Variants in STAT1 observed in about 807,000 individuals in gnomAD.
STAT1 encodes the protein signal transducer and activator of transcription 1, also known as signal transducer and activator of transcription 1-alpha/beta.
A neutral mutation model predicts 111.7 loss-of-function variants in STAT1; 24 were observed. The ratio of observed to expected loss-of-function variants is 0.21; its 90% CI spans 0.16 to 0.30. The LOEUF (loss-of-function observed/expected upper bound fraction) is 0.30. STAT1 is among the 10% of genes least tolerant of loss of function. The pLI, the probability that STAT1 is intolerant of heterozygous loss-of-function variation, is 1.00. For synonymous variants in STAT1, 332 were observed against 326.5 expected (o/e 1.02, Z -0.18); for missense variants, 351 against 911.9 (o/e 0.38, Z 7.92).
Position 190,985,600 on chromosome 2 carries a change from AACAT to A in STAT1, c.1263+15_1263+18del, listed in dbSNP as rs765648503. Reference sequence around the variant, plus strand: ...ACCTGCCTGATTTGGGCCCATTCACAACATAAAGGGACTCTCACCTCATTCGTTC... The same window carrying A: ...ACCTGCCTGATTTGGGCCCATTCACAAAAGGGACTCTCACCTCATTCGTTC... On this transcript the variant is annotated intron_variant, in intron 15 of 24. Transcript: ENST00000361099. 5.6e-6 allele frequency: 9 copies of A among 1,614,020 alleles called. No homozygotes were observed. In the African/African-American group the frequency reaches 1.2e-4, roughly 22 times the overall value.
At chr2:191,011,910 C>G (rs1695150195) in intron 2 of STAT1, among the ~76,000 whole-genome samples, 2 of 151,892 alleles carry the variant, frequency 1.3e-5, no homozygotes, top group Admixed American at 6.5e-5. Flanking sequence ...GCCAAGAAGC[C>G]TGGCTAATTT....
intron 2 of STAT1, 57 bp from the exon 3 acceptor site, chr2:191,010,061 G>C: frequency 6.3e-7 from 1 of 1,598,992 alleles, no homozygotes; most frequent in Non-Finnish European, 8.6e-7. Context: ...TAGCTCCAAA[G>C]AAAGCCTTCC....
intron 2 of STAT1, among the ~76,000 whole-genome samples, chr2:191,010,992 C>T (rs561162872): frequency 9.8e-5 from 15 of 152,322 alleles, no homozygotes; most frequent in African/African-American, 3.4e-4. Context: ...GCAGAGCAGA[C>T]ACAAGTGAAT....
chr2:190,995,323 A>G lies in STAT1; in HGVS notation c.786-104T>C. ...TAGTCCATTCTCATGCTGCTAATAA[A>G]GACATACTCGAGACTGGAGAATTTA... On this transcript the variant is annotated intron_variant, in intron 9 of 24. Transcript: ENST00000361099. This position sits in a 1 kb window ranked among gnomAD's most constrained non-coding sequence, Gnocchi z 4.2. The G allele has an allele frequency of 8.6e-7, 1 of 1,166,610 alleles. No homozygotes were observed. Among genetic ancestry groups the G allele is most frequent in the Admixed American group, 1.7e-5 (1 of 58,666 alleles). 72.3% of individuals were successfully genotyped at this position (1,166,610 alleles called of 1,614,324 possible).
rs2125062772 is a variant in STAT1 at position 190,995,187 on chromosome 2, A to G, written c.818T>C (p.Val273Ala). ...CTCCAACTTTTTAAGCTGCTGCCGA[A>G]CTTGCTGCAGACTCTCCGCAACTAT... ...FTIVAESLQQ[V>A]RQQLKKLEEL... is the part of the protein sequence containing the mutation. Residue 273 changes from valine (V) to alanine (A), a missense_variant, in exon 10 of 25, where the codon GTT becomes GCT. Physicochemically the swap from Val to Ala is moderately conservative, Grantham distance 64. Coordinates refer to ENST00000361099, the MANE Select transcript of STAT1 (RefSeq NM_007315.4). The surrounding 1 kb of genome is among the most constrained non-coding windows in gnomAD (Gnocchi z 4.2). 6.2e-7 allele frequency: 1 copy of G among 1,614,024 alleles called. No homozygotes were observed. Among genetic ancestry groups the G allele is most frequent in the Non-Finnish European group, 8.5e-7 (1 of 1,180,004 alleles).
intron 2 of STAT1, among the ~76,000 whole-genome samples, chr2:191,011,449 C>T (rs1695108685): frequency 6.6e-6 from 1 of 152,164 alleles, no homozygotes; most frequent in African/African-American, 2.4e-5. Flanking sequence ...CAGGAACTTG[C>T]TCTGTCATCC....
chr2:191,013,682 CG>C lies in STAT1; in HGVS notation c.-155-5del. On this transcript the variant is annotated splice_polypyrimidine_tract_variant and splice_region_variant and intron_variant, in intron 1 of 24. Transcript: ENST00000361099. ...GGCATACAGCAAATGAAACTTTCTG[CG>C]AAAAGAAGAAAACGTGACTGATGGA... 1 of 398,476 alleles carries C rather than the reference CG, an allele frequency of 2.5e-6. No individual in the cohort carries two copies. Among genetic ancestry groups the C allele is most frequent in the Non-Finnish European group, 4.4e-6 (1 of 226,070 alleles). 24.7% of individuals were successfully genotyped at this position (398,476 alleles called of 1,614,324 possible). A position where few individuals can be genotyped will look rare whatever the true frequency, so the allele number is the denominator to read the frequency against.
chr2:190,994,958 A>G, intron 10 of STAT1, 103 bp downstream of exon 10: 1 of 461,914 alleles, frequency 2.2e-6, no homozygotes, highest in South Asian at 1.8e-5. Context: ...ATATATATAT[A>G]AAAAACACCT....
chr2:191,001,071 C>T lies in STAT1; in HGVS notation c.462+3G>A. On this transcript the variant is annotated splice_donor_region_variant and intron_variant, in intron 6 of 24. Transcript: ENST00000361099. ...TAAATGCATGTGTTTACTCAATACT[C>T]ACCATAACCTTGTCCTTCACATTTC... The T allele has an allele frequency of 6.2e-7, 1 of 1,608,808 alleles. No individual in the cohort carries two copies.
At position 190,979,809 on chromosome 2, in the gene STAT1, G is replaced by A; in HGVS notation, c.1690C>T (p.Leu564Phe). The part of the protein sequence containing the change: ...FWLWIESILE[L>F]IKKHLLPLWN... Reference sequence around the variant, plus strand: ...AGAGGGAGCAGGTGTTTTTTAATGAGTTCTAGGATGCTTTCAATCCAAAGC... The same window carrying A: ...AGAGGGAGCAGGTGTTTTTTAATGAATTCTAGGATGCTTTCAATCCAAAGC... The change falls in exon 20 of 25, where the codon CTC (leucine) becomes TTC (phenylalanine). Residue 564 changes from leucine to phenylalanine, a missense_variant. Leu to Phe is a conservative substitution (Grantham distance 22, BLOSUM62 0). Around this residue, in one of 7 missense-constraint regions of STAT1, gnomAD observed 181 missense variants for 426.1 expected, o/e 0.42. Transcript: ENST00000361099. The surrounding 1 kb of genome is among the most constrained non-coding windows in gnomAD (Gnocchi z 5.8). The A allele has an allele frequency of 1.2e-6, 2 of 1,613,780 alleles. No individual in the cohort carries two copies. Among genetic ancestry groups the A allele is most frequent in the Non-Finnish European group, 1.7e-6 (2 of 1,179,762 alleles).
chr2:190,978,806 G>A lies in STAT1; in HGVS notation c.1873+50C>T, dbSNP rs1160947935. ...GAGCTGACTGGCGGCGATGAAGAGG[G>A]ACTTCACACACATGGAATGGTGGGA... On this transcript the variant is annotated intron_variant, in intron 21 of 24. Transcript: ENST00000361099. The surrounding 1 kb of genome is among the most constrained non-coding windows in gnomAD (Gnocchi z 6.1). The A allele has an allele frequency of 8.1e-6, 13 of 1,608,452 alleles. No homozygotes were observed. Among genetic ancestry groups the A allele is most frequent in the Admixed American group, 1.7e-5 (1 of 59,586 alleles).
At position 191,007,073 on chromosome 2, in the gene STAT1, A is replaced by G. The variant is rs533459486; in HGVS notation, c.372+490T>C. Among the ~76,000 whole-genome samples the G allele has an allele frequency of 2.0e-5, 3 of 152,134 alleles. No individual in the cohort carries two copies. Among genetic ancestry groups the G allele is most frequent in the Non-Finnish European group, 4.4e-5 (3 of 68,032 alleles). On this transcript the variant is annotated intron_variant, in intron 5 of 24. Coordinates refer to ENST00000361099, the MANE Select transcript of STAT1 (RefSeq NM_007315.4). The surrounding 1 kb of genome is among the most constrained non-coding windows in gnomAD (Gnocchi z 4.2). ...TCTCACTCCTGCATCTAATCCTTCA[A>G]CATAAGGATCCTTCTATATTGGTAT... is the stretch of plus-strand genomic sequence containing the variant.
At chr2:190,985,257 A>C (rs1692713644) in intron 15 of STAT1, among the ~76,000 whole-genome samples, 1 of 152,200 alleles carries the variant, frequency 6.6e-6, no homozygotes, top group Non-Finnish European at 1.5e-5. Flanking sequence ...GGCAGTCATC[A>C]AAGTGGCCTC....
At position 191,007,184 on chromosome 2, in the gene STAT1, G is replaced by A. The variant is rs1694770152; in HGVS notation, c.372+379C>T. ...CGCAAGCTTCCACTGCCTCTACCTT[G>A]GACAGCTGCAAGAACCCTCTATCTG... On this transcript the variant is annotated intron_variant, in intron 5 of 24. Coordinates refer to ENST00000361099, the MANE Select transcript of STAT1 (RefSeq NM_007315.4). This position sits in a 1 kb window ranked among gnomAD's most constrained non-coding sequence, Gnocchi z 4.2. 6.6e-6 allele frequency among the ~76,000 whole-genome samples: 1 copy of A among 152,094 alleles called. No individual in the cohort carries two copies. The highest frequency in any genetic ancestry group is 1.5e-5 in the Non-Finnish European group (1 of 68,014).
rs553758142 is a variant in STAT1 at position 191,003,237 on chromosome 2, T to A, written c.373-2074A>T. Among the ~76,000 whole-genome samples, 61 of 152,358 alleles carry A rather than the reference T, an allele frequency of 4.0e-4. No homozygotes were observed. Among genetic ancestry groups the A allele is most frequent in the African/African-American group, 1.3e-3 (56 of 41,582 alleles). On this transcript the variant is annotated intron_variant, in intron 5 of 24. Transcript: ENST00000361099. This position sits in a 1 kb window ranked among gnomAD's most constrained non-coding sequence, Gnocchi z 4.0. Reference sequence around the variant, plus strand: ...AAAGTGTGTATTAGAAATACATGAATGTTACTGGTATCCTCTGTAAGTCCA... The same window carrying A: ...AAAGTGTGTATTAGAAATACATGAAAGTTACTGGTATCCTCTGTAAGTCCA...
At chr2:190,985,273 C>G (rs1291123148) in intron 15 of STAT1, among the ~76,000 whole-genome samples, 1 of 152,202 alleles carries the variant, frequency 6.6e-6, no homozygotes, top group African/African-American at 2.4e-5. Flanking sequence ...GCCTCTCGTT[C>G]CAACTCTGAC....
rs1693829326 is a variant in STAT1, at chr2:190,996,031, G to A, written c.786-812C>T. ...TGTCTCGGCAGGACCAGTCAGAGATGTGGGGCAGAGGGGCAGGAGGAGAGA... is the reference window on the plus strand; with the variant it reads ...TGTCTCGGCAGGACCAGTCAGAGATATGGGGCAGAGGGGCAGGAGGAGAGA... On this transcript the variant is annotated intron_variant, in intron 9 of 24. Transcript: ENST00000361099. The surrounding 1 kb of genome is among the most constrained non-coding windows in gnomAD (Gnocchi z 4.5). 1.5e-5 allele frequency among the ~76,000 whole-genome samples: 2 copies of A among 129,716 alleles called. No homozygotes were observed. Among genetic ancestry groups the A allele is most frequent in the African/African-American group, 6.2e-5 (2 of 32,514 alleles). The allele number at this position is 129,716 out of a possible 152,430, so 85.1% of individuals were successfully genotyped here.
chr2:191,010,234 ATTGTCAACATATCAGGGCAGCC>A, intron 2 of STAT1: 2 of 514,902 alleles, frequency 3.9e-6, no homozygotes, highest in South Asian at 3.6e-5. Context: ...GTCTTTGCTT[ATTGTCAACATATCAGGGCAGCC>A]TTCTCTGGCC....
rs545863706 is a variant in STAT1 at position 190,988,122 on chromosome 2, G to A, written c.1098-1054C>T. 3.3e-5 allele frequency among the ~76,000 whole-genome samples: 5 copies of A among 152,296 alleles called. No individual in the cohort carries two copies. In the South Asian group the frequency reaches 1.0e-3, roughly 32 times the overall value. ...CTTGATTTGCTTTTAGCAACAGGAT[G>A]GAAGGGAGTGATGCTATAGATGTTC... On this transcript the variant is annotated intron_variant, in intron 12 of 24. Transcript: ENST00000361099.
Sources: allele counts gnomAD v4.1 joint callset (sites outside exome capture counted in the v4.1 genomes callset), GRCh38; gene constraint gnomAD v4.1.1; regional missense constraint gnomAD v4.1.1; non-coding constraint Gnocchi (gnomAD v3.1); transcripts MANE v1.5; gene names NCBI Gene and HGNC (gene_info 2026-07-23, HGNC 2026-07-21).